ERBB4: variants seen among roughly 807,000 people sequenced by gnomAD.
The protein encoded by ERBB4 is receptor tyrosine-protein kinase erbB-4.
Under a neutral mutation model 158.0 loss-of-function variants are expected in ERBB4, and 42 were observed. That is an observed-to-expected ratio of 0.27 (90% CI 0.21 to 0.34). ERBB4 has a LOEUF of 0.34. Among genes scored for constraint, ERBB4 ranks in the 10% least tolerant of loss-of-function variants. ERBB4 has a pLI of 1.00. For missense variants in ERBB4, 1,333 were observed against 1,624.1 expected (o/e 0.82, Z 3.08); for synonymous variants, 583 against 558.7 (o/e 1.04, Z -0.61).
At chr2:211,646,924 T>C (rs1346935632) in intron 16 of ERBB4, among the ~76,000 whole-genome samples, 1 of 151,626 alleles carries the variant, frequency 6.6e-6, no homozygotes, top group Non-Finnish European at 1.5e-5. Flanking sequence ...ATATTTTAAA[T>C]GCAAAAATTA....
intron 1 of ERBB4, among the ~76,000 whole-genome samples, chr2:212,457,039 G>T (rs934284083): frequency 4.6e-5 from 7 of 151,776 alleles, no homozygotes; most frequent in African/African-American, 1.7e-4. Context: ...ACAGAAATGT[G>T]TAATAACTTT....
intron 20 of ERBB4, among the ~76,000 whole-genome samples, chr2:211,486,575 T>C (rs2065208251): frequency 6.6e-6 from 1 of 152,154 alleles, no homozygotes; most frequent in South Asian, 2.1e-4. Flanking sequence ...TTGCTTTTGA[T>C]ACGTAACAGG....
chr2:212,407,303 T>C (rs1209904388), intron 1 of ERBB4, among the ~76,000 whole-genome samples: 1 of 151,976 alleles, frequency 6.6e-6, no homozygotes, highest in East Asian at 1.9e-4. Context: ...AATAAAATAG[T>C]GGTAACTAAT....
chr2:212,010,191 T>C (rs1368745339), intron 2 of ERBB4, among the ~76,000 whole-genome samples: 1 of 152,120 alleles, frequency 6.6e-6, no homozygotes, highest in African/African-American at 2.4e-5. Context: ...CAAAGCTATA[T>C]AACCCTCTGC....
At chr2:211,423,328 A>G (rs1208957524) in intron 23 of ERBB4, among the ~76,000 whole-genome samples, 6 of 151,940 alleles carry the variant, frequency 3.9e-5, no homozygotes. Flanking sequence ...ATCTGAGTAG[A>G]CCTGGGTCCA....
In ERBB4 at chr2:212,164,138, C is replaced by T. The variant is rs927889018; in HGVS notation, c.83-39235G>A. ...TGATATCAAATAGGCTGATGTTAGACATATAACAAAGGTTAAAGTTAGACA... is the reference window on the plus strand; with the variant it reads ...TGATATCAAATAGGCTGATGTTAGATATATAACAAAGGTTAAAGTTAGACA... On this transcript the variant is annotated intron_variant, in intron 1 of 27. Transcript: ENST00000342788. 2.6e-5 allele frequency among the ~76,000 whole-genome samples: 4 copies of T among 151,872 alleles called. No individual in the cohort carries two copies. The East Asian group carries it at 5.8e-4, about 22-fold the overall frequency.
intron 1 of ERBB4, among the ~76,000 whole-genome samples, chr2:212,514,388 C>T (rs1320575915): frequency 1.3e-5 from 2 of 152,190 alleles, no homozygotes; most frequent in Admixed American, 6.5e-5. Context: ...AAAAGTTACA[C>T]TTTATTGTTT....
At chr2:212,043,009 A>G (rs1468739090) in intron 2 of ERBB4, among the ~76,000 whole-genome samples, 1 of 152,152 alleles carries the variant, frequency 6.6e-6, no homozygotes, top group Non-Finnish European at 1.5e-5. Flanking sequence ...GGCAAAGGAA[A>G]ATCTATTGAG....
intron 1 of ERBB4, among the ~76,000 whole-genome samples, chr2:212,284,137 C>T (rs181453167): frequency 7.9e-5 from 12 of 152,010 alleles, no homozygotes; most frequent in Admixed American, 2.0e-4. Flanking sequence ...TTTTATTCAA[C>T]GTAATATTAT....
At chr2:211,589,775 G>A (rs1245666646) in intron 19 of ERBB4, among the ~76,000 whole-genome samples, 1 of 151,952 alleles carries the variant, frequency 6.6e-6, no homozygotes, top group Non-Finnish European at 1.5e-5. Context: ...AAAAACTATT[G>A]TAAAAATGAT....
At chr2:211,923,384 G>C (rs2079924427) in intron 3 of ERBB4, among the ~76,000 whole-genome samples, 4 of 152,164 alleles carry the variant, frequency 2.6e-5, no homozygotes. Flanking sequence ...ACAATGTTAA[G>C]ATGAAATTGA....
chr2:212,406,967 C>T (rs910728303), intron 1 of ERBB4, among the ~76,000 whole-genome samples: 5 of 151,900 alleles, frequency 3.3e-5, no homozygotes, highest in Non-Finnish European at 5.9e-5. Context: ...TGCACAAATC[C>T]TTTCTCCCTC....
At chr2:211,916,455 C>T (rs533394559) in intron 3 of ERBB4, among the ~76,000 whole-genome samples, 13 of 152,248 alleles carry the variant, frequency 8.5e-5, no homozygotes, top group Admixed American at 2.6e-4. Flanking sequence ...ACTGGGATTA[C>T]GTGCATAAGC....
At chr2:212,140,790 G>T (rs2080436686) in intron 1 of ERBB4, among the ~76,000 whole-genome samples, 2 of 149,946 alleles carry the variant, frequency 1.3e-5, no homozygotes, top group African/African-American at 4.9e-5. Flanking sequence ...CTATAAAGTT[G>T]CTCTATAAAG....
chr2:212,517,888 A>T (rs927633217), intron 1 of ERBB4, among the ~76,000 whole-genome samples: 3 of 152,126 alleles, frequency 2.0e-5, no homozygotes, highest in Admixed American at 6.6e-5. Flanking sequence ...CTGCTGGCAA[A>T]GTGAGCAACC....
At chr2:211,392,558 C>CCGCACACACACACA (rs767854845) in intron 25 of ERBB4, among the ~76,000 whole-genome samples, 3 of 140,918 alleles carry the variant, frequency 2.1e-5, no homozygotes, top group East Asian at 4.2e-4. Flanking sequence ...CTCTCTTACT[C>CCGCACACACACACA]CACACACACA....
intron 3 of ERBB4, among the ~76,000 whole-genome samples, chr2:211,814,534 T>G (rs2076834489): frequency 6.6e-6 from 1 of 151,890 alleles, no homozygotes; most frequent in Non-Finnish European, 1.5e-5. Flanking sequence ...ATATTTAAAT[T>G]ACAAATACAA....
intron 1 of ERBB4, among the ~76,000 whole-genome samples, chr2:212,534,180 T>C (rs775699163): frequency 3.3e-5 from 5 of 152,184 alleles, no homozygotes; most frequent in Non-Finnish European, 7.4e-5. Context: ...AACACAAAAA[T>C]AATACCGCTT....
chr2:211,718,519 G>A (rs2073995699), intron 7 of ERBB4, among the ~76,000 whole-genome samples: 1 of 152,056 alleles, frequency 6.6e-6, no homozygotes, highest in African/African-American at 2.4e-5. Context: ...CATGACCTGA[G>A]GTAATTTTAT....
Sources: allele counts gnomAD v4.1 joint callset (sites outside exome capture counted in the v4.1 genomes callset), GRCh38; gene constraint gnomAD v4.1.1; transcripts MANE v1.5; gene names NCBI Gene and HGNC (gene_info 2026-07-23, HGNC 2026-07-21).